Variants in PSD3 observed in about 807,000 individuals in gnomAD.
PSD3 encodes the protein PH and SEC7 domain-containing protein 3.
A neutral mutation model predicts 105.5 loss-of-function variants in PSD3; 49 were observed. That is an observed-to-expected ratio of 0.46 (90% CI 0.37 to 0.59). PSD3 has a LOEUF of 0.59. Ranked by LOEUF, PSD3 falls within the 20% of genes least tolerant of loss-of-function variation. The pLI, the probability that PSD3 is intolerant of heterozygous loss-of-function variation, is 0.00. For missense variants in PSD3, 1,561 were observed against 1,263.8 expected (o/e 1.24, Z -3.57); for synonymous variants, 557 against 457.8 (o/e 1.22, Z -2.77).
intron 4 of PSD3, among the ~76,000 whole-genome samples, chr8:18,837,578 T>C (rs926221871): frequency 6.6e-6 from 1 of 152,152 alleles, no homozygotes; most frequent in Non-Finnish European, 1.5e-5. Flanking sequence ...CATTTAGTTC[T>C]TGATGTTTTA....
rs1364428802 is a variant in PSD3 at position 18,534,580 on chromosome 8, T to C, written c.*1163A>G. 6.6e-6 allele frequency: 1 copy of C among 152,160 alleles called. No individual in the cohort carries two copies. The highest frequency in any genetic ancestry group is 1.5e-5 in the Non-Finnish European group (1 of 68,030). The allele number at this position is 152,160 out of a possible 1,614,324, so 9.4% of individuals were successfully genotyped here. ...TGAGACAAGAATAAACAAAGTCACT[T>C]TGCACCTGCAACCAGAAGATTCCTC... On this transcript the variant is annotated 3_prime_UTR_variant, in exon 16 of 16. Transcript: ENST00000327040.
At chr8:19,052,202 G>A (rs1196638886) in intron 1 of PSD3, among the ~76,000 whole-genome samples, 1 of 152,162 alleles carries the variant, frequency 6.6e-6, no homozygotes, top group Non-Finnish European at 1.5e-5. Flanking sequence ...GGCCGGGCAC[G>A]GTGGCTCACG....
At chr8:18,969,053 A>C (rs1034241977) in intron 1 of PSD3, among the ~76,000 whole-genome samples, 1 of 152,204 alleles carries the variant, frequency 6.6e-6, no homozygotes, top group Non-Finnish European at 1.5e-5. Context: ...AGCCTTCCAA[A>C]GTGTCTACTA....
At chr8:18,927,031 G>A (rs1020980740) in intron 2 of PSD3, among the ~76,000 whole-genome samples, 1 of 152,024 alleles carries the variant, frequency 6.6e-6, no homozygotes, top group Non-Finnish European at 1.5e-5. Context: ...AGAACTCAGG[G>A]AAACATTTAC....
intron 10 of PSD3, among the ~76,000 whole-genome samples, chr8:18,642,237 G>C (rs1807701951): frequency 6.6e-6 from 1 of 152,034 alleles, no homozygotes; most frequent in Non-Finnish European, 1.5e-5. Context: ...CCACATGTTA[G>C]GTATTCCCAA....
chr8:18,938,315 C>G (rs1822290435), intron 1 of PSD3, among the ~76,000 whole-genome samples: 1 of 152,058 alleles, frequency 6.6e-6, no homozygotes, highest in African/African-American at 2.4e-5. Flanking sequence ...TTCTGATAAA[C>G]TGGATTTAAA....
chr8:18,669,854 T>C (rs969840889), intron 9 of PSD3, among the ~76,000 whole-genome samples: 2 of 152,210 alleles, frequency 1.3e-5, no homozygotes, highest in African/African-American at 2.4e-5. Context: ...AGAAGACTAA[T>C]TCATGTTTGT....
chr8:18,753,223 C>T (rs967473232), intron 9 of PSD3, among the ~76,000 whole-genome samples: 13 of 151,828 alleles, frequency 8.6e-5, no homozygotes, highest in Non-Finnish European at 7.4e-5. Context: ...GGTGTGGTAG[C>T]GTGCGCCTTA....
At chr8:18,675,787 C>T (rs965922090) in intron 9 of PSD3, among the ~76,000 whole-genome samples, 1 of 152,112 alleles carries the variant, frequency 6.6e-6, no homozygotes, top group African/African-American at 2.4e-5. Context: ...AGAGCAACTT[C>T]CATCATAAAT....
intron 9 of PSD3, among the ~76,000 whole-genome samples, chr8:18,698,988 C>G (rs1801419313): frequency 6.6e-6 from 1 of 151,830 alleles, no homozygotes; most frequent in African/African-American, 2.4e-5. Flanking sequence ...AAGATGAAAC[C>G]CCACTCAACC....
intron 1 of PSD3, among the ~76,000 whole-genome samples, chr8:19,000,423 A>C (rs1330371972): frequency 7.3e-5 from 11 of 151,342 alleles, no homozygotes; most frequent in Admixed American, 5.3e-4. Context: ...GAGAAAAAAA[A>C]CCTGATACAA....
intron 1 of PSD3, among the ~76,000 whole-genome samples, chr8:19,074,132 G>A (rs946640614): frequency 6.6e-6 from 1 of 152,088 alleles, no homozygotes; most frequent in Non-Finnish European, 1.5e-5. Context: ...GCAGTCTTGC[G>A]CTGGGATCCT....
chr8:18,745,403 G>A (rs1217619142), intron 9 of PSD3, among the ~76,000 whole-genome samples: 9 of 152,076 alleles, frequency 5.9e-5, no homozygotes, highest in Admixed American at 3.3e-4. Context: ...TTTCTTCTCT[G>A]AGTATAATCT....
At chr8:18,752,508 A>AT (rs1267137937) in intron 9 of PSD3, among the ~76,000 whole-genome samples, 15 of 71,076 alleles carry the variant, frequency 2.1e-4, no homozygotes, top group Non-Finnish European at 3.4e-4. Flanking sequence ...TATAATATAT[A>AT]TAATATATGT....
chr8:18,689,799 GATTA>G (rs957014164), intron 9 of PSD3, among the ~76,000 whole-genome samples: 4 of 152,130 alleles, frequency 2.6e-5, no homozygotes, highest in Non-Finnish European at 4.4e-5. Context: ...AGATGCTAAT[GATTA>G]ATTGTTTCCT....
chr8:18,684,770 A>C (rs1645333916), intron 9 of PSD3, among the ~76,000 whole-genome samples: 1 of 152,222 alleles, frequency 6.6e-6, no homozygotes, highest in Admixed American at 6.5e-5. Flanking sequence ...GTTAACTTTC[A>C]ATATGGCACA....
chr8:19,040,246 G>A (rs1377185863), intron 1 of PSD3, among the ~76,000 whole-genome samples: 1 of 151,932 alleles, frequency 6.6e-6, no homozygotes, highest in Non-Finnish European at 1.5e-5. Flanking sequence ...TTTGTTGCTC[G>A]GGCTGGAGTG....
At position 19,059,277 on chromosome 8, in the gene PSD3, C is replaced by T. The variant is rs114959611; in HGVS notation, c.324+24929G>A. Among the ~76,000 whole-genome samples, 881 of 152,332 alleles carry T rather than the reference C, an allele frequency of 5.8e-3. 8 individuals carry two copies. Among genetic ancestry groups the T allele is most frequent in the African/African-American group, 0.021 (860 of 41,574 alleles). On this transcript the variant is annotated intron_variant, in intron 1 of 1. Transcript: ENST00000521475. ...AGGGGCCAGCAGAGGAGGGACCACA[C>T]CCAAGCTTCTCAATTCCTTAGACCC...
upstream of PSD3, among the ~76,000 whole-genome samples, chr8:19,018,446 A>C (rs955802270): frequency 3.3e-5 from 5 of 152,160 alleles, no homozygotes; most frequent in Non-Finnish European, 7.3e-5. Flanking sequence ...AAACTCATAG[A>C]ATTTTACACT....
Sources: allele counts gnomAD v4.1 joint callset (sites outside exome capture counted in the v4.1 genomes callset), GRCh38; gene constraint gnomAD v4.1.1; transcripts MANE v1.5; gene names NCBI Gene and HGNC (gene_info 2026-07-23, HGNC 2026-07-21).